TSPEAR: variants seen among roughly 807,000 people sequenced by gnomAD.
TSPEAR encodes the protein thrombospondin-type laminin G domain and EAR repeat-containing protein.
TSPEAR carries 69 observed loss-of-function variants against 71.6 expected under a neutral mutation model. That is an observed-to-expected ratio of 0.96 (90% confidence interval 0.79 to 1.18). TSPEAR has a LOEUF of 1.18. Ranked by LOEUF, TSPEAR falls within the 50% of genes most tolerant of loss-of-function variation. The pLI is 0.00. For synonymous variants in TSPEAR, 402 were observed against 387.2 expected (o/e 1.04, Z -0.45); for missense variants, 971 against 894.9 (o/e 1.09, Z -1.09).
In TSPEAR at chr21:44,499,626, C is replaced by A. The variant is rs1001811588; in HGVS notation, c.*157G>T. The A allele has an allele frequency of 2.8e-6, 2 of 714,360 alleles. No homozygotes were observed. Among genetic ancestry groups the A allele is most frequent in the Admixed American group, 3.4e-5 (1 of 29,426 alleles). The allele number at this position is 714,360 out of a possible 1,614,324, so 44.3% of individuals were successfully genotyped here. A position where few individuals can be genotyped will look rare whatever the true frequency, so the allele number is the denominator to read the frequency against. On this transcript the variant is annotated 3_prime_UTR_variant, in exon 12 of 12. Coordinates refer to ENST00000323084, the MANE Select transcript of TSPEAR (RefSeq NM_144991.3). ...TCAGAGGTGGATGGATGTCCCTGCC[C>A]GAACCAGGGCCGCAGATGGCCCCAC...
intron 1 of TSPEAR, among the ~76,000 whole-genome samples, chr21:44,699,813 G>A (rs1455284690): frequency 2.6e-5 from 4 of 152,194 alleles, no homozygotes; most frequent in South Asian, 2.1e-4. Context: ...CCCCCAGACC[G>A]AAGGGAAGCT....
chr21:44,548,316 G>A (rs1437395330), intron 2 of TSPEAR, among the ~76,000 whole-genome samples: 1 of 152,238 alleles, frequency 6.6e-6, no homozygotes, highest in Non-Finnish European at 1.5e-5. Context: ...GCAAGGGGGA[G>A]TTAAAATCCA....
intron 3 of TSPEAR, among the ~76,000 whole-genome samples, chr21:44,531,658 G>T (rs1248488024): frequency 6.6e-6 from 1 of 152,208 alleles, no homozygotes; most frequent in Non-Finnish European, 1.5e-5. Flanking sequence ...CTATCTCATG[G>T]TGAACGTGCA....
intron 1 of TSPEAR, among the ~76,000 whole-genome samples, chr21:44,596,587 T>C (rs1980384109): frequency 1.3e-5 from 2 of 152,250 alleles, no homozygotes; most frequent in South Asian, 2.1e-4. Flanking sequence ...AGCAGCAAAC[T>C]GCCTGCCAAA....
At chr21:44,656,900 C>T (rs1442383304) in intron 1 of TSPEAR, among the ~76,000 whole-genome samples, 1 of 152,106 alleles carries the variant, frequency 6.6e-6, no homozygotes, top group Non-Finnish European at 1.5e-5. Context: ...GGTGTGTCTT[C>T]AGGTTCACTG....
At chr21:44,653,326 G>A (rs1984925298) in intron 1 of TSPEAR, among the ~76,000 whole-genome samples, 1 of 152,100 alleles carries the variant, frequency 6.6e-6, no homozygotes, top group Non-Finnish European at 1.5e-5. Flanking sequence ...CATGTGATCT[G>A]CACGTGCTGA....
chr21:44,636,298 A>T (rs73907098), intron 1 of TSPEAR, among the ~76,000 whole-genome samples: 133 of 152,172 alleles, frequency 8.7e-4, no homozygotes, highest in African/African-American at 3.0e-3. Context: ...TTCACATCTG[A>T]CCCTCTGACA....
intron 9 of TSPEAR, among the ~76,000 whole-genome samples, chr21:44,521,179 C>G (rs2052725931): frequency 6.6e-6 from 1 of 152,214 alleles, no homozygotes; most frequent in South Asian, 2.1e-4. Flanking sequence ...GCTGCAGAGC[C>G]CCTGAGCTGC....
intron 1 of TSPEAR, chr21:44,580,706 G>A (rs190344097): frequency 2.6e-5 from 26 of 1,015,006 alleles, no homozygotes; most frequent in South Asian, 1.7e-4. Context: ...CCTCCCTGGC[G>A]TGTGTTGTCC....
At chr21:44,572,782 GATAGGCC>G (rs1224674297) in intron 1 of TSPEAR, among the ~76,000 whole-genome samples, 7 of 150,232 alleles carry the variant, frequency 4.7e-5, no homozygotes, top group Admixed American at 2.0e-4. Flanking sequence ...AGGCTGTTAG[GATAGGCC>G]CTACTGCAAT....
chr21:44,595,793 G>A (rs1365315735), intron 1 of TSPEAR, among the ~76,000 whole-genome samples: 3 of 152,146 alleles, frequency 2.0e-5, no homozygotes, highest in African/African-American at 7.2e-5. Flanking sequence ...TAATGCCTCT[G>A]TACACATAAA....
intron 1 of TSPEAR, among the ~76,000 whole-genome samples, chr21:44,706,441 GCACCCACATGTACA>G (rs1297069080): frequency 2.0e-5 from 3 of 149,414 alleles, no homozygotes; most frequent in East Asian, 3.9e-4. Flanking sequence ...ACCCACGTGC[GCACCCACATGTACA>G]CACCCACGTG....
chr21:44,607,485 G>C (rs1555930045), intron 1 of TSPEAR, among the ~76,000 whole-genome samples: 1 of 152,176 alleles, frequency 6.6e-6, no homozygotes, highest in Non-Finnish European at 1.5e-5. Context: ...AATGAACAAT[G>C]AATGAAATAA....
chr21:44,525,584 CCCTG>C (rs1847526099), intron 8 of TSPEAR, 65 bp downstream of exon 8: 1 of 1,496,572 alleles, frequency 6.7e-7, no homozygotes, highest in African/African-American at 1.4e-5. Flanking sequence ...TACACATTCG[CCCTG>C]CCTGCAAGTC....
At chr21:44,653,719 A>C (rs1984949303) in intron 1 of TSPEAR, among the ~76,000 whole-genome samples, 1 of 152,210 alleles carries the variant, frequency 6.6e-6, no homozygotes, top group Non-Finnish European at 1.5e-5. Flanking sequence ...TCTCACCCAG[A>C]AGAGAGTAAG....
chr21:44,606,401 G>A (rs782739180), intron 1 of TSPEAR, among the ~76,000 whole-genome samples: 3 of 152,078 alleles, frequency 2.0e-5, no homozygotes, highest in East Asian at 3.9e-4. Flanking sequence ...TAGAAAAGAG[G>A]GAGTCTTGTA....
chr21:44,705,576 C>A (rs1030493002), intron 1 of TSPEAR, among the ~76,000 whole-genome samples: 1 of 152,194 alleles, frequency 6.6e-6, no homozygotes, highest in Non-Finnish European at 1.5e-5. Context: ...CTGGCCCCCC[C>A]GGGGCGTACC....
At position 44,551,200 on chromosome 21, in the gene TSPEAR, G is replaced by A. The variant is rs781806951; in HGVS notation, c.303+16585C>T. Reference sequence around the variant, plus strand: ...CAGGGGGAGGAGGTGCAGCAAGCCGGCTGGCAGCTAGACTGCTGGCAGCAC... The same window carrying A: ...CAGGGGGAGGAGGTGCAGCAAGCCGACTGGCAGCTAGACTGCTGGCAGCAC... On this transcript the variant is annotated intron_variant, in intron 2 of 11. Coordinates refer to ENST00000323084, the MANE Select transcript of TSPEAR (RefSeq NM_144991.3). 5.9e-5 allele frequency: 93 copies of A among 1,585,220 alleles called. 1 individual carries two copies. The highest frequency in any genetic ancestry group is 1.7e-4 in the Middle Eastern group (1 of 6,004).
At chr21:44,514,287 G>A (rs587662691) in intron 9 of TSPEAR, among the ~76,000 whole-genome samples, 75 of 152,304 alleles carry the variant, frequency 4.9e-4, no homozygotes, top group South Asian at 3.7e-3. Context: ...GCTGCCTGCC[G>A]GGCACCTGTC....
Sources: gnomAD v4.1 joint callset for allele counts (sites outside exome capture counted in the v4.1 genomes callset) on GRCh38, gnomAD v4.1.1 for gene constraint, MANE v1.5 for transcripts, NCBI Gene and HGNC (gene_info 2026-07-23, HGNC 2026-07-21) for gene names.